NLRP7: variants seen among roughly 807,000 people sequenced by gnomAD.
NLRP7 encodes NACHT, LRR and PYD domains-containing protein 7.
NLRP7 carries 72 observed loss-of-function variants against 85.5 expected under a neutral mutation model. The ratio of observed to expected loss-of-function variants is 0.84; its 90% confidence interval spans 0.70 to 1.02. NLRP7 has a LOEUF of 1.02. Among genes scored for constraint, NLRP7 ranks in the 50% least tolerant of loss-of-function variants. The probability of loss-of-function intolerance (pLI) is 0.00; values close to 1 mark genes in which losing one functional copy is unlikely to be tolerated. For synonymous variants in NLRP7, 550 were observed against 505.2 expected (o/e 1.09, Z -1.19); for missense variants, 1,243 against 1,219.5 (o/e 1.02, Z -0.29).
chr19:54,958,540 G>T (rs1169570159), intron 1 of NLRP7, among the ~76,000 whole-genome samples: 1 of 152,026 alleles, frequency 6.6e-6, no homozygotes, highest in African/African-American at 2.4e-5. Context: ...AGCTACTCTG[G>T]AGGCTGAGGC....
In NLRP7 at chr19:54,934,265, C is replaced by T. The variant is rs1300420823; in HGVS notation, c.2471+224G>A. 6.6e-6 allele frequency among the ~76,000 whole-genome samples: 1 copy of T among 152,074 alleles called. No homozygotes were observed. The highest frequency in any genetic ancestry group is 2.4e-5 in the African/African-American group (1 of 41,436). The stretch of plus-strand genomic sequence containing the variant: ...CTGTTTTTGGTATTTTTAATAGAAA[C>T]AGGGTTTCACCATGTTGGCCAGGTT... On this transcript the variant is annotated intron_variant, in intron 7 of 9. Transcript: ENST00000340844. This position sits in a 1 kb window ranked among gnomAD's most constrained non-coding sequence, Gnocchi z 6.7.
chr19:54,959,141 C>CTT (rs74177888), intron 1 of NLRP7, among the ~76,000 whole-genome samples: 7 of 134,664 alleles, frequency 5.2e-5, no homozygotes, highest in African/African-American at 8.3e-5. Flanking sequence ...TTTTCTTTTT[C>CTT]TTTTTTTTTT....
At chr19:54,961,294 C>T (rs2070033544) in intron 1 of NLRP7, among the ~76,000 whole-genome samples, 1 of 151,650 alleles carries the variant, frequency 6.6e-6, no homozygotes, top group South Asian at 2.1e-4. Context: ...GTGGATCACC[C>T]GAGGTCAGGA....
chr19:54,931,657 C>T (rs1361133825), intron 8 of NLRP7, among the ~76,000 whole-genome samples: 1 of 76,458 alleles, frequency 1.3e-5, no homozygotes, highest in Non-Finnish European at 2.3e-5. Context: ...CATTGCACTC[C>T]AGCCTGGGCA....
intron 1 of NLRP7, among the ~76,000 whole-genome samples, chr19:54,956,736 A>G (rs1036711873): frequency 8.0e-5 from 12 of 150,722 alleles, no homozygotes; most frequent in African/African-American, 2.9e-4. Context: ...CGCCTATAAT[A>G]TCAGCACTTT....
At position 54,931,690 on chromosome 19, in the gene NLRP7, A is replaced by T. The variant is rs543331182; in HGVS notation, c.2643-1024T>A. Among the ~76,000 whole-genome samples the T allele has an allele frequency of 2.1e-3, 305 of 144,914 alleles. 1 individual carries two copies. Among genetic ancestry groups the T allele is most frequent in the African/African-American group, 8.2e-3 (285 of 34,898 alleles). On this transcript the variant is annotated intron_variant, in intron 8 of 9. Transcript: ENST00000340844. ...GCAAGAGCGAAACTCCATCTCAAAA[A>T]AAAAAAAAAATTAGCCAGGTGTGGC...
intron 9 of NLRP7, among the ~76,000 whole-genome samples, chr19:54,926,029 GAC>G (rs2068420868): frequency 6.7e-6 from 1 of 149,674 alleles, no homozygotes; most frequent in Non-Finnish European, 1.5e-5. Context: ...CAAAAAAAAA[GAC>G]AGACTCCGTC....
chr19:54,939,129 A>G, exon 4 of NLRP7: 1 of 1,614,202 alleles, frequency 6.2e-7, no homozygotes, highest in South Asian at 1.1e-5. Context: ...TCGGTCACGG[A>G]TAAGGGCTTA....
At position 54,940,443 on chromosome 19, in the gene NLRP7, A is replaced by C. The variant is rs187063197; in HGVS notation, c.376T>G (p.Ser126Ala). The change falls in exon 4 of 10, where the codon TCA becomes GCA. Residue 126 changes from serine (S) to alanine (A), a missense_variant. Ser to Ala is a moderately conservative substitution (Grantham distance 99, BLOSUM62 1). Coordinates refer to ENST00000340844, the Ensembl canonical transcript of NLRP7. ...CAGACCAAAGACTGTTTCTCCATTG[A>C]ATTTCTCCATCCTTCCTTTTCACCT... 2.5e-5 allele frequency: 41 copies of C among 1,613,922 alleles called. No individual in the cohort carries two copies. In the East Asian group the frequency reaches 8.7e-4, roughly 34 times the overall value.
upstream of NLRP7, among the ~76,000 whole-genome samples, chr19:54,952,351 G>A (rs1290147630): frequency 6.6e-6 from 1 of 151,980 alleles, no homozygotes; most frequent in Non-Finnish European, 1.5e-5. Flanking sequence ...CCAGCACTTT[G>A]GGAGGCCAAG....
intron 9 of NLRP7, among the ~76,000 whole-genome samples, chr19:54,925,636 C>T (rs2068397492): frequency 6.6e-6 from 1 of 152,028 alleles, no homozygotes; most frequent in South Asian, 2.1e-4. Context: ...CACAGTGCAG[C>T]AGAGCAAAAC....
Position 54,938,261 on chromosome 19 carries a change from C to T in NLRP7, c.1932-20G>A, listed in dbSNP as rs1255487177. Reference sequence around the variant, plus strand: ...GTGCACCTGCAGGAGAACACACGTTCATCTCTTAGGACTAGTACCTGCATG... The same window carrying T: ...GTGCACCTGCAGGAGAACACACGTTTATCTCTTAGGACTAGTACCTGCATG... On this transcript the variant is annotated intron_variant, in intron 4 of 9. Coordinates refer to ENST00000340844, the Ensembl canonical transcript of NLRP7. 3.7e-6 allele frequency: 6 copies of T among 1,608,638 alleles called. No individual in the cohort carries two copies. Among genetic ancestry groups the T allele is most frequent in the Non-Finnish European group, 5.1e-6 (6 of 1,175,240 alleles).
At chr19:54,963,694 C>G (rs1212887283) in intron 1 of NLRP7, among the ~76,000 whole-genome samples, 1 of 151,418 alleles carries the variant, frequency 6.6e-6, no homozygotes, top group Non-Finnish European at 1.5e-5. Flanking sequence ...TACAGTGGCA[C>G]GCGCCTGTAA....
intron 1 of NLRP7, among the ~76,000 whole-genome samples, chr19:54,947,050 C>A (rs186155579): frequency 2.6e-5 from 4 of 151,338 alleles, no homozygotes; most frequent in Non-Finnish European, 5.9e-5. Flanking sequence ...TTAGGCCAGG[C>A]GTGGTGGCTC....
intron 1 of NLRP7, among the ~76,000 whole-genome samples, chr19:54,962,379 T>C (rs2070074132): frequency 6.7e-6 from 1 of 149,498 alleles, no homozygotes; most frequent in African/African-American, 2.4e-5. Context: ...GCCATTTTCC[T>C]GCCTCAGCCT....
intron 1 of NLRP7, among the ~76,000 whole-genome samples, chr19:54,962,144 CAA>C (rs1002260253): frequency 4.2e-5 from 5 of 119,756 alleles, no homozygotes; most frequent in African/African-American, 1.3e-4. Context: ...GCCTGGGCGA[CAA>C]GAGCAAAACT....
upstream of NLRP7, among the ~76,000 whole-genome samples, chr19:54,950,651 G>A (rs1400918469): frequency 6.6e-6 from 1 of 151,738 alleles, no homozygotes; most frequent in African/African-American, 2.4e-5. Context: ...CTGCCCGCAT[G>A]TCCCACCTCC....
chr19:54,924,617 T>C (rs542139278), intron 9 of NLRP7, among the ~76,000 whole-genome samples: 3 of 151,914 alleles, frequency 2.0e-5, no homozygotes, highest in Non-Finnish European at 4.4e-5. Context: ...GAGTAAAACA[T>C]GCCTTTAAAA....
chr19:54,941,543 T>C, exon 2 of NLRP7: 1 of 1,614,120 alleles, frequency 6.2e-7, no homozygotes. Context: ...TTGACCAGAA[T>C]TTCTGCCAGT....
Sources: gnomAD v4.1 joint callset for allele counts (sites outside exome capture counted in the v4.1 genomes callset) on GRCh38, gnomAD v4.1.1 for gene constraint, Gnocchi (gnomAD v3.1) non-coding constraint, MANE v1.5 for transcripts, NCBI Gene and HGNC (gene_info 2026-07-23, HGNC 2026-07-21) for gene names.